The following MRO variants were observed in gnomAD, a reference collection of about 807,000 sequenced individuals.
MRO encodes protein maestro.
In MRO, 28 loss-of-function variants were observed where a neutral mutation model predicts 31.0. That is an observed-to-expected ratio of 0.90 (90% CI 0.67 to 1.24). MRO has a LOEUF of 1.24. Ranked by LOEUF, MRO falls within the 50% of genes most tolerant of loss-of-function variation. The pLI is 0.00. For synonymous variants in MRO, 108 were observed against 108.4 expected, an observed-to-expected ratio of 1.00 and a Z score of 0.02; for missense variants, 332 against 289.2, an observed-to-expected ratio of 1.15 and a Z score of -1.07.
chr18:50,824,736 G>A (rs1915446463), upstream of MRO, among the ~76,000 whole-genome samples: 1 of 146,200 alleles, frequency 6.8e-6, no homozygotes, highest in African/African-American at 2.5e-5. Context: ...TTACAGGCAT[G>A]AGCCACCACA....
In MRO at chr18:50,796,438, T is replaced by C. The variant is rs1182430980; in HGVS notation, c.*2899A>G. ...AAAGCCATATACAAAAAAAAACTTT[T>C]CAGATAAGATATAAGTGGTATAATA... On this transcript the variant is annotated 3_prime_UTR_variant, in exon 8 of 8. Transcript: ENST00000398439. The C allele has an allele frequency of 6.6e-6, 1 of 152,126 alleles. No homozygotes were observed. The highest frequency in any genetic ancestry group is 6.5e-5 in the Admixed American group (1 of 15,268). 9.4% of individuals were successfully genotyped at this position (152,126 alleles called of 1,614,324 possible).
chr18:50,815,184 C>G (rs956393528), intron 2 of MRO: 3 of 193,114 alleles, frequency 1.6e-5, no homozygotes, highest in African/African-American at 7.1e-5. Context: ...AGATATACCA[C>G]GCCATTAATG....
intron 5 of MRO, among the ~76,000 whole-genome samples, 160 bp downstream of exon 5, chr18:50,804,994 G>T (rs1227056108): frequency 1.3e-5 from 2 of 150,322 alleles, no homozygotes; most frequent in African/African-American, 4.9e-5. Context: ...GTTTCACCAT[G>T]TTGGCCAGGA....
At chr18:50,801,540 G>A (rs1301767491) in intron 5 of MRO, 36 bp from the exon 6 acceptor site, 1 of 1,553,672 alleles carries the variant, frequency 6.4e-7, no homozygotes, top group Non-Finnish European at 8.7e-7. Flanking sequence ...AAGAAAGCCA[G>A]ATCATTACCA....
chr18:50,803,860 C>T (rs536548565), intron 5 of MRO, among the ~76,000 whole-genome samples: 5 of 152,368 alleles, frequency 3.3e-5, no homozygotes, highest in South Asian at 2.1e-4. Flanking sequence ...AGTAAATAAA[C>T]GGTCTGTTCG....
chr18:50,823,329 A>G (rs967853756), upstream of MRO, among the ~76,000 whole-genome samples: 3 of 152,240 alleles, frequency 2.0e-5, no homozygotes, highest in Non-Finnish European at 4.4e-5. Flanking sequence ...TAGATGCTGC[A>G]GGAAGAAGCA....
intron 4 of MRO, among the ~76,000 whole-genome samples, chr18:50,805,626 G>A (rs1175653103): frequency 2.0e-5 from 3 of 152,172 alleles, no homozygotes; most frequent in African/African-American, 7.2e-5. Context: ...TGATCTCAGG[G>A]CCTGGGGAGA....
chr18:50,824,768 TAAA>T (rs1439587524), upstream of MRO, among the ~76,000 whole-genome samples: 1 of 134,186 alleles, frequency 7.5e-6, no homozygotes, highest in African/African-American at 2.8e-5. Flanking sequence ...CACTGTCTTT[TAAA>T]AAAAAGTTCA....
chr18:50,802,036 A>G (rs540089729), intron 5 of MRO, among the ~76,000 whole-genome samples: 87 of 152,360 alleles, frequency 5.7e-4, no homozygotes, highest in African/African-American at 2.0e-3. Context: ...ATGGAAGCAC[A>G]TGCCACTGTT....
At chr18:50,820,176 A>G (rs1462302642), upstream of MRO, 5 of 593,494 alleles carry the variant, frequency 8.4e-6, no homozygotes, top group East Asian at 1.1e-4. Context: ...GTTAGAGCGC[A>G]TTTAATCTAA....
At chr18:50,809,144 CAAAAAAAAAAAAAAA>C (rs61728184) in intron 3 of MRO, among the ~76,000 whole-genome samples, 143 bp downstream of exon 3, 5 of 99,098 alleles carry the variant, frequency 5.0e-5, no homozygotes, top group African/African-American at 2.3e-4. Context: ...GACTCCGTCT[CAAAAAAAAAAAAAAA>C]AAAAAAAAAA....
chr18:50,798,926 CAACAACAAAAA>C lies in MRO; in HGVS notation c.*400_*410del, dbSNP rs1913019463. 1 of 137,862 alleles carries C rather than the reference CAACAACAAAAA, an allele frequency of 7.3e-6. No individual in the cohort carries two copies. The highest frequency in any genetic ancestry group is 2.2e-4 in the South Asian group (1 of 4,454). 8.5% of individuals were successfully genotyped at this position (137,862 alleles called of 1,614,324 possible). On this transcript the variant is annotated 3_prime_UTR_variant, in exon 8 of 8. Transcript: ENST00000398439. ...AATACACTAAAAAAAAACAAAACAA[CAACAACAAAAA>C]AACAAAAAAACGCTTAAGGTAACAA...
Position 50,816,588 on chromosome 18 carries a change from T to G in MRO, c.-5+2993A>C, listed in dbSNP as rs138765060. Among the ~76,000 whole-genome samples, 90 of 152,348 alleles carry G rather than the reference T, an allele frequency of 5.9e-4. No homozygotes were observed. In the East Asian group the frequency reaches 0.012, roughly 20 times the overall value. ...ACGTTAGCTGTAAAGAAACACCAGC[T>G]GACTTGCAGTTTAAGGGAATTCTAT... On this transcript the variant is annotated intron_variant, in intron 2 of 7. Coordinates refer to ENST00000398439, the MANE Select transcript of MRO (RefSeq NM_031939.6).
intron 2 of MRO, among the ~76,000 whole-genome samples, chr18:50,811,788 C>T (rs967102888): frequency 8.8e-5 from 10 of 114,264 alleles, no homozygotes; most frequent in African/African-American, 3.3e-4. Flanking sequence ...GAGTCTTACT[C>T]TGTCTCCCAG....
At chr18:50,819,776 A>C in intron 1 of MRO, 74 bp from the exon 2 acceptor site, 1 of 1,547,090 alleles carries the variant, frequency 6.5e-7, no homozygotes, top group Non-Finnish European at 8.7e-7. Flanking sequence ...AGAGTGTTGG[A>C]AAGTGAGAAT....
Position 50,805,230 on chromosome 18 carries a change from A to C in MRO, c.353T>G (p.Leu118Arg). ...HESMKTLTVV[L>R]GKIQGKGLGS... ...CAAACCTTTCCCCTGGATCTTGCCC[A>C]GAACGACGGTCAGAGTCTTCATACT... The change falls in exon 5 of 8, where the codon CTG becomes CGG. Residue 118 changes from leucine to arginine, a missense_variant. By Grantham distance (102) the Leu-to-Arg change is moderately radical. Coordinates refer to ENST00000398439, the MANE Select transcript of MRO (RefSeq NM_031939.6). 6.2e-7 allele frequency: 1 copy of C among 1,614,150 alleles called. No homozygotes were observed. Among genetic ancestry groups the C allele is most frequent in the Non-Finnish European group, 8.5e-7 (1 of 1,179,982 alleles).
chr18:50,803,189 C>T (rs770222826), intron 5 of MRO, among the ~76,000 whole-genome samples: 3 of 151,988 alleles, frequency 2.0e-5, no homozygotes, highest in Admixed American at 6.6e-5. Context: ...GATTTCTGCT[C>T]AAAAATTCCA....
upstream of MRO, among the ~76,000 whole-genome samples, chr18:50,822,075 C>G (rs1202326442): frequency 6.6e-6 from 1 of 152,162 alleles, no homozygotes; most frequent in African/African-American, 2.4e-5. Context: ...ATTTGCATAT[C>G]TATAACATGA....
In MRO at chr18:50,809,296, T is replaced by A. The variant is rs768835504; in HGVS notation, c.99+6A>T. On this transcript the variant is annotated splice_donor_region_variant and intron_variant, in intron 3 of 7. Transcript: ENST00000398439. ...AGAAATTTGTTCATAATATTTTGTG[T>A]CAGACCTTGGAAAAGAAAGATATCA... 1 of 1,608,640 alleles carries A rather than the reference T, an allele frequency of 6.2e-7. No individual in the cohort carries two copies. The highest frequency in any genetic ancestry group is 8.5e-7 in the Non-Finnish European group (1 of 1,175,564).
Sources: gnomAD v4.1 joint callset for allele counts (sites outside exome capture counted in the v4.1 genomes callset) on GRCh38, gnomAD v4.1.1 for gene constraint, MANE v1.5 for transcripts, NCBI Gene and HGNC (gene_info 2026-07-23, HGNC 2026-07-21) for gene names.